Variants in WDFY3 observed in about 807,000 individuals in gnomAD.
WDFY3 encodes the protein WD repeat and FYVE domain-containing protein 3.
Under a neutral mutation model 409.6 loss-of-function variants are expected in WDFY3, and 66 were observed. That is an observed-to-expected ratio of 0.16 (90% CI 0.13 to 0.20). The LOEUF is 0.20. Ranked by LOEUF, WDFY3 falls within the 10% of genes least tolerant of loss-of-function variation. WDFY3 has a pLI of 1.00. For synonymous variants in WDFY3, 1,521 were observed against 1,537.1 expected (o/e 0.99, Z 0.25); for missense variants, 3,031 against 4,298.1 (o/e 0.71, Z 8.24).
chr4:84,799,536 G>A (rs542883492), intron 17 of WDFY3, among the ~76,000 whole-genome samples: 1 of 152,116 alleles, frequency 6.6e-6, no homozygotes, highest in African/African-American at 2.4e-5. Context: ...ACTTCCAAAA[G>A]TCTCTGCCCC....
At chr4:84,778,279 GCAT>G (rs1745900905) in intron 27 of WDFY3, among the ~76,000 whole-genome samples, 1 of 152,074 alleles carries the variant, frequency 6.6e-6, no homozygotes, top group African/African-American at 2.4e-5. Context: ...TTAGGGATAT[GCAT>G]CATACCATTT....
Position 84,908,048 on chromosome 4 carries a change from T to C in WDFY3, c.-131-11038A>G, listed in dbSNP as rs764395764. Among the ~76,000 whole-genome samples, 11 of 152,024 alleles carry C rather than the reference T, an allele frequency of 7.2e-5. No individual in the cohort carries two copies. The East Asian group carries it at 7.7e-4, about 11-fold the overall frequency. On this transcript the variant is annotated intron_variant, in intron 2 of 67. Transcript: ENST00000295888. ...GACAAATGAAGGGACTGGAGATATA[T>C]ATAAGTACCAGTTGGATAATGAAAG...
chr4:84,875,263 AACACACACACACACACAC>A (rs58589086), intron 3 of WDFY3, among the ~76,000 whole-genome samples: 11 of 137,580 alleles, frequency 8.0e-5, no homozygotes, highest in East Asian at 4.4e-4. Context: ...GCAAGACTCA[AACACACACACACACACAC>A]ACACACACAC....
chr4:84,744,981 C>T (rs1378683673), intron 36 of WDFY3, among the ~76,000 whole-genome samples: 13 of 150,934 alleles, frequency 8.6e-5, no homozygotes, highest in Admixed American at 2.6e-4. Context: ...GTAAGGAGGA[C>T]GGTGAACAAC....
chr4:84,851,872 G>A (rs1759069201), intron 4 of WDFY3, among the ~76,000 whole-genome samples: 1 of 151,764 alleles, frequency 6.6e-6, no homozygotes, highest in African/African-American at 2.4e-5. Context: ...ACATACCTGT[G>A]ATAAAGTTTA....
intron 2 of WDFY3, among the ~76,000 whole-genome samples, chr4:84,918,024 A>T (rs936005279): frequency 3.9e-5 from 6 of 152,134 alleles, no homozygotes; most frequent in African/African-American, 1.4e-4. Context: ...TGCCCTTCAG[A>T]TTGGCAAAAA....
At position 84,715,354 on chromosome 4, in the gene WDFY3, A is replaced by G. The variant is rs1275758642; in HGVS notation, c.7905T>C (p.Asp2635=). Residue 2635 remains aspartate, a synonymous_variant, in exon 50 of 68, where the codon GAT becomes GAC. Coordinates refer to ENST00000295888, the MANE Select transcript of WDFY3 (RefSeq NM_014991.6). ...GAAAAGCAAGGAGGTAATTCCGTCC[A>G]TCTCCAGAGAAAACTTCCACAGCAA... is the stretch of plus-strand genomic sequence containing the variant. ...QPIAVEVFSG[D]GRNYLLAFQK... The G allele has an allele frequency of 6.2e-7, 1 of 1,610,026 alleles. No individual in the cohort carries two copies. Among genetic ancestry groups the G allele is most frequent in the Non-Finnish European group, 8.5e-7 (1 of 1,176,784 alleles).
chr4:84,798,211 T>C (rs1182254858), intron 17 of WDFY3, 103 bp from the exon 18 acceptor site: 1 of 1,015,252 alleles, frequency 9.8e-7, no homozygotes, highest in African/African-American at 1.6e-5. Flanking sequence ...ACAGACTAAT[T>C]ACAATAAAAA....
intron 4 of WDFY3, among the ~76,000 whole-genome samples, chr4:84,859,597 CAG>C (rs1251641227): frequency 1.3e-5 from 2 of 152,132 alleles, no homozygotes; most frequent in Admixed American, 1.3e-4. Flanking sequence ...ATTTTTGAGA[CAG>C]AGTTTCACTC....
intron 32 of WDFY3, among the ~76,000 whole-genome samples, chr4:84,763,334 A>C (rs933235846): frequency 6.6e-6 from 1 of 152,074 alleles, no homozygotes; most frequent in Non-Finnish European, 1.5e-5. Context: ...GAACAATGAG[A>C]ACACATGGAC....
At position 84,786,101 on chromosome 4, in the gene WDFY3, CAG is replaced by C; in HGVS notation, c.3938_3939del (p.Pro1313ArgfsTer31). 1 of 1,612,364 alleles carries C rather than the reference CAG, an allele frequency of 6.2e-7. No homozygotes were observed. Among genetic ancestry groups the C allele is most frequent in the Non-Finnish European group, 8.5e-7 (1 of 1,179,318 alleles). Reference sequence around the variant, plus strand: ...ACTTTCTCCTCTGGTACTAATGACACAGGGGATGGCACCACCCCTTCGGATTT... The same window carrying C: ...ACTTTCTCCTCTGGTACTAATGACACGGGATGGCACCACCCCTTCGGATTT... ...DAKSEGVVPSPVSLVPEEKVS... is the reference protein window; with the variant it reads ...DAKSEGVVPSXVSLVPEEKVS... On this transcript the variant is annotated frameshift_variant, in exon 24 of 68. Transcript: ENST00000295888. LOFTEE classifies it high-confidence loss of function.
At chr4:84,921,424 CAG>C (rs537052846) in intron 2 of WDFY3, among the ~76,000 whole-genome samples, 14 of 151,916 alleles carry the variant, frequency 9.2e-5, no homozygotes, top group Non-Finnish European at 1.9e-4. Context: ...ATTAGTAAAA[CAG>C]AGATTTGTCT....
intron 44 of WDFY3, among the ~76,000 whole-genome samples, chr4:84,728,976 T>A (rs1443346746): frequency 6.6e-6 from 1 of 152,152 alleles, no homozygotes; most frequent in Admixed American, 6.5e-5. Flanking sequence ...CTAAATGAGC[T>A]GCTTAGTTTC....
chr4:84,964,993 A>C, intron 1 of WDFY3, among the ~76,000 whole-genome samples: 1 of 152,260 alleles, frequency 6.6e-6, no homozygotes, highest in East Asian at 1.9e-4. Flanking sequence ...ATATTTTTAA[A>C]CATAAAAACA....
intron 67 of WDFY3, among the ~76,000 whole-genome samples, chr4:84,675,338 C>G (rs544794231): frequency 1.4e-4 from 21 of 152,274 alleles, no homozygotes; most frequent in Middle Eastern, 3.4e-3. Context: ...GAAATTCCCA[C>G]AGGAAATGGC....
chr4:84,718,303 A>G, intron 48 of WDFY3, 119 bp downstream of exon 48: 1 of 1,060,394 alleles, frequency 9.4e-7, no homozygotes, highest in Non-Finnish European at 1.3e-6. Context: ...ATGAATGCAC[A>G]CAAACCGAGA....
chr4:84,901,357 CGTGGG>C (rs934161587), intron 2 of WDFY3, among the ~76,000 whole-genome samples: 24 of 152,136 alleles, frequency 1.6e-4, no homozygotes, highest in African/African-American at 5.8e-4. Context: ...TTAAGGTCCT[CGTGGG>C]GATCAGCTGG....
At chr4:84,735,266 A>T (rs1439570947) in intron 42 of WDFY3, 146 bp from the exon 43 acceptor site, 7 of 706,840 alleles carry the variant, frequency 9.9e-6, no homozygotes, top group African/African-American at 1.8e-5. Flanking sequence ...ATTCAGAATG[A>T]ATTATATGCT....
intron 66 of WDFY3, among the ~76,000 whole-genome samples, chr4:84,677,668 A>C (rs1274598185): frequency 6.6e-6 from 1 of 152,182 alleles, no homozygotes; most frequent in African/African-American, 2.4e-5. Context: ...AAAATTCAGA[A>C]TTTAAATCCA....
Sources: gnomAD v4.1 joint callset for allele counts (sites outside exome capture counted in the v4.1 genomes callset) on GRCh38, gnomAD v4.1.1 for gene constraint, MANE v1.5 for transcripts, NCBI Gene and HGNC (gene_info 2026-07-23, HGNC 2026-07-21) for gene names.